The following PVT1 variants were observed in gnomAD, a reference collection of about 807,000 sequenced individuals.
PVT1 encodes CXCR4/PVT1 fusion.
chr8:128,013,142 G>A (rs1285066841), intron 4 of PVT1, among the ~76,000 whole-genome samples: 1 of 152,106 alleles, frequency 6.6e-6, no homozygotes, highest in East Asian at 1.9e-4. Flanking sequence ...TGCAACTCTT[G>A]TTTTTACTAG....
intron 2 of PVT1, among the ~76,000 whole-genome samples, chr8:127,887,268 C>T (rs985056606): frequency 3.9e-5 from 6 of 152,134 alleles, no homozygotes; most frequent in African/African-American, 7.2e-5. Flanking sequence ...GTTGCAGAAC[C>T]GGGCCTACTC....
At chr8:128,006,171 C>T (rs1389877093) in intron 4 of PVT1, among the ~76,000 whole-genome samples, 2 of 150,230 alleles carry the variant, frequency 1.3e-5, no homozygotes, top group East Asian at 1.9e-4. Flanking sequence ...GAAATTTGGG[C>T]AGGACTTCTC....
Position 128,087,770 on chromosome 8 carries a change from T to TTTTTG in PVT1, n.1115-8748_1115-8747insTTTTG, listed in dbSNP as rs370583568. Among the ~76,000 whole-genome samples, 83 of 115,610 alleles carry TTTTTG rather than the reference T, an allele frequency of 7.2e-4. 5 individuals are homozygous for TTTTTG. Among genetic ancestry groups the TTTTTG allele is most frequent in the Non-Finnish European group, 1.2e-3 (67 of 56,778 alleles). 75.8% of individuals were successfully genotyped at this position (115,610 alleles called of 152,430 possible). ...TACTTTTTTTTTTTTTTTTTTTTTTTGAGATGGAGTCTCGTTCTGTCTCCC... is the reference window on the plus strand; with the variant it reads ...TACTTTTTTTTTTTTTTTTTTTTTTTTTTTGGAGATGGAGTCTCGTTCTGTCTCCC... On this transcript the variant is annotated intron_variant and non_coding_transcript_variant, in intron 5 of 10. Coordinates refer to ENST00000651587, the Ensembl canonical transcript of PVT1.
chr8:127,862,564 G>A (rs1359353948), intron 2 of PVT1, among the ~76,000 whole-genome samples: 1 of 151,980 alleles, frequency 6.6e-6, no homozygotes, highest in Admixed American at 6.6e-5. Flanking sequence ...CCTCCCACAG[G>A]TGCACACCAC....
intron 5 of PVT1, among the ~76,000 whole-genome samples, chr8:128,090,112 C>T (rs1269560355): frequency 6.6e-6 from 1 of 152,130 alleles, no homozygotes; most frequent in East Asian, 1.9e-4. Flanking sequence ...GGGATGGGGA[C>T]CTGAATGTTT....
At chr8:128,064,351 C>T (rs1813874644) in intron 4 of PVT1, among the ~76,000 whole-genome samples, 2 of 152,204 alleles carry the variant, frequency 1.3e-5, no homozygotes, top group African/African-American at 4.8e-5. Context: ...TGGGCAGAAG[C>T]ACATTTGCAC....
At chr8:127,941,775 G>C (rs1284248147) in intron 3 of PVT1, among the ~76,000 whole-genome samples, 1 of 152,180 alleles carries the variant, frequency 6.6e-6, no homozygotes, top group Non-Finnish European at 1.5e-5. Context: ...GCCACACTCA[G>C]TCTCCTGCTC....
intron 2 of PVT1, among the ~76,000 whole-genome samples, chr8:127,881,686 A>G (rs565333504): frequency 5.9e-5 from 9 of 151,870 alleles, no homozygotes; most frequent in African/African-American, 2.2e-4. Context: ...CGAACTTCTG[A>G]CCTTAGGTGA....
At chr8:128,029,428 T>C (rs1259589508) in intron 4 of PVT1, among the ~76,000 whole-genome samples, 1 of 152,166 alleles carries the variant, frequency 6.6e-6, no homozygotes, top group Non-Finnish European at 1.5e-5. Flanking sequence ...GTGCCTGGCC[T>C]CCTATTTTCT....
intron 3 of PVT1, among the ~76,000 whole-genome samples, chr8:127,984,991 C>CCT (rs1554602241): frequency 1.5e-5 from 1 of 65,776 alleles, no homozygotes; most frequent in East Asian, 3.8e-4. Context: ...TTCTTTCTTT[C>CCT]TCTTTCCTTC....
At chr8:128,092,723 G>T (rs1186172451) in intron 5 of PVT1, among the ~76,000 whole-genome samples, 1 of 152,150 alleles carries the variant, frequency 6.6e-6, no homozygotes, top group Non-Finnish European at 1.5e-5. Flanking sequence ...CTTGAGAGAG[G>T]CAGAGACTGG....
intron 4 of PVT1, among the ~76,000 whole-genome samples, chr8:127,990,500 G>T (rs1817020336): frequency 6.6e-6 from 1 of 152,142 alleles, no homozygotes; most frequent in Admixed American, 6.6e-5. Context: ...TTTTTTTTAA[G>T]TAAGATGTTG....
intron 4 of PVT1, among the ~76,000 whole-genome samples, chr8:128,002,264 C>G (rs1175061881): frequency 6.6e-6 from 1 of 152,194 alleles, no homozygotes; most frequent in African/African-American, 2.4e-5. Context: ...ACCTCGGTTC[C>G]CAGGGATCCA....
intron 3 of PVT1, among the ~76,000 whole-genome samples, chr8:127,971,500 C>T (rs1430276397): frequency 6.6e-6 from 1 of 152,184 alleles, no homozygotes; most frequent in Admixed American, 6.5e-5. Context: ...GCTCCAGCCC[C>T]CTGCCCTGCA....
intron 2 of PVT1, among the ~76,000 whole-genome samples, chr8:127,812,065 C>T (rs764376664): frequency 4.0e-5 from 6 of 150,852 alleles, no homozygotes; most frequent in Non-Finnish European, 8.8e-5. Flanking sequence ...GCTGTAGTTG[C>T]ACCACTGCAC....
chr8:127,802,680 A>T (rs1366227911), intron 2 of PVT1, among the ~76,000 whole-genome samples: 3 of 152,224 alleles, frequency 2.0e-5, no homozygotes, highest in Non-Finnish European at 2.9e-5. Flanking sequence ...TTTTCGCTGG[A>T]TGGAACAATG....
chr8:128,093,871 C>A (rs979397733), intron 5 of PVT1, among the ~76,000 whole-genome samples: 7 of 152,098 alleles, frequency 4.6e-5, no homozygotes, highest in Non-Finnish European at 8.8e-5. Context: ...CTCCTGACCT[C>A]GTGATCTGCC....
At chr8:128,089,887 G>A (rs1814329082) in intron 5 of PVT1, among the ~76,000 whole-genome samples, 1 of 152,128 alleles carries the variant, frequency 6.6e-6, no homozygotes, top group South Asian at 2.1e-4. Context: ...AGTTCGCTAG[G>A]GCCTCACCCA....
intron 2 of PVT1, among the ~76,000 whole-genome samples, chr8:127,886,510 A>AT (rs971292406): frequency 2.0e-5 from 3 of 151,796 alleles, no homozygotes; most frequent in South Asian, 4.2e-4. Context: ...AATTTTTCAA[A>AT]TTTTTTTCTG....
Sources: gnomAD v4.1 joint callset for allele counts (sites outside exome capture counted in the v4.1 genomes callset) on GRCh38, gnomAD v4.1.1 for gene constraint, MANE v1.5 for transcripts, NCBI Gene and HGNC (gene_info 2026-07-23, HGNC 2026-07-21) for gene names.